PDE10A: variants seen among roughly 807,000 people sequenced by gnomAD.
PDE10A encodes the protein phosphodiesterase 10A, also known as cAMP and cAMP-inhibited cGMP 3',5'-cyclic phosphodiesterase 10A.
In PDE10A, 39 loss-of-function variants were observed where a neutral mutation model predicts 97.7. The ratio of observed to expected loss-of-function variants is 0.40; its 90% confidence interval spans 0.31 to 0.52. The LOEUF is 0.52. Among genes scored for constraint, PDE10A ranks in the 20% least tolerant of loss-of-function variants. The probability of loss-of-function intolerance (pLI) is 0.56; values close to 1 mark genes in which losing one functional copy is unlikely to be tolerated. For synonymous variants in PDE10A, 371 were observed against 376.8 expected, an observed-to-expected ratio of 0.98 and a Z score of 0.18; for missense variants, 731 against 1,047.8, an observed-to-expected ratio of 0.70 and a Z score of 4.17.
At chr6:165,753,498 TA>T (rs1793052914) in intron 1 of PDE10A, among the ~76,000 whole-genome samples, 1 of 152,252 alleles carries the variant, frequency 6.6e-6, no homozygotes, top group African/African-American at 2.4e-5. Flanking sequence ...TTTATGTGAC[TA>T]GCCTTCCCTT....
At chr6:165,511,810 T>C (rs1781526057) in intron 2 of PDE10A, among the ~76,000 whole-genome samples, 1 of 152,090 alleles carries the variant, frequency 6.6e-6, no homozygotes, top group Non-Finnish European at 1.5e-5. Context: ...TTAAAGTCTG[T>C]TTTATCTGAT....
chr6:165,380,326 T>A (rs1379882859), intron 17 of PDE10A, among the ~76,000 whole-genome samples: 1 of 152,174 alleles, frequency 6.6e-6, no homozygotes, highest in African/African-American at 2.4e-5. Context: ...TAAAATACAG[T>A]AAAAACACAA....
chr6:165,549,617 C>G (rs184933683), intron 1 of PDE10A, among the ~76,000 whole-genome samples: 1 of 152,170 alleles, frequency 6.6e-6, no homozygotes, highest in African/African-American at 2.4e-5. Flanking sequence ...AGCCACCATG[C>G]GCGGCTGCAT....
At chr6:165,887,383 C>T (rs1411750268) in intron 1 of PDE10A, among the ~76,000 whole-genome samples, 3 of 152,216 alleles carry the variant, frequency 2.0e-5, no homozygotes, top group African/African-American at 7.2e-5. Context: ...TCTGCATATT[C>T]CCTGTTTTGT....
At chr6:165,952,524 T>TG (rs1783996589) in intron 1 of PDE10A, among the ~76,000 whole-genome samples, 1 of 152,242 alleles carries the variant, frequency 6.6e-6, no homozygotes, top group Admixed American at 6.5e-5. Flanking sequence ...ACTCTATTAG[T>TG]GTTGATTCTT....
chr6:165,770,637 G>C (rs901719466), intron 1 of PDE10A, among the ~76,000 whole-genome samples: 4 of 152,138 alleles, frequency 2.6e-5, no homozygotes, highest in Non-Finnish European at 5.9e-5. Context: ...TTCTGCCTGG[G>C]GAGCGACTCA....
At chr6:165,848,461 G>T (rs907676466) in intron 1 of PDE10A, among the ~76,000 whole-genome samples, 4 of 152,180 alleles carry the variant, frequency 2.6e-5, no homozygotes, top group Admixed American at 2.6e-4. Flanking sequence ...GTACAAAGTG[G>T]CTCTGGACAA....
chr6:165,624,309 T>C (rs1788283057), intron 1 of PDE10A, among the ~76,000 whole-genome samples: 1 of 152,194 alleles, frequency 6.6e-6, no homozygotes, highest in Non-Finnish European at 1.5e-5. Flanking sequence ...AAACACTTCT[T>C]GCTTCATGTC....
At chr6:165,638,398 G>A (rs1365827703) in intron 1 of PDE10A, among the ~76,000 whole-genome samples, 2 of 147,830 alleles carry the variant, frequency 1.4e-5, no homozygotes, top group African/African-American at 2.4e-5. Context: ...CAGAGAGAGA[G>A]GGTGGAAGGA....
At chr6:165,985,031 C>G (rs73260581) in intron 1 of PDE10A, among the ~76,000 whole-genome samples, 25,392 of 152,182 alleles carry the variant, frequency 0.17, 2,263 homozygotes, top group Non-Finnish European at 0.2. Flanking sequence ...GAGACAGGAG[C>G]CCAAGCCAGT....
At chr6:165,920,518 G>C (rs1688809671) in intron 1 of PDE10A, among the ~76,000 whole-genome samples, 1 of 151,262 alleles carries the variant, frequency 6.6e-6, no homozygotes, top group South Asian at 2.1e-4. Context: ...TGACAATCAA[G>C]ATGCTTATCT....
Position 165,362,720 on chromosome 6 carries a change from G to T in PDE10A, c.2783+16474C>A, listed in dbSNP as rs537986897. ...AATACTTCCCAGCTAATTCCATGAG[G>T]CCAGTGTTACCCTGACACCAAAATA... On this transcript the variant is annotated intron_variant, in intron 18 of 21. Coordinates refer to ENST00000539869, the MANE Select transcript of PDE10A (RefSeq NM_001385079.1). Among the ~76,000 whole-genome samples the T allele has an allele frequency of 2.3e-3, 355 of 152,130 alleles. 2 individuals carry two copies. The highest frequency in any genetic ancestry group is 8.2e-3 in the African/African-American group (341 of 41,520).
chr6:165,606,661 C>A (rs1276074237), intron 1 of PDE10A, among the ~76,000 whole-genome samples: 3 of 152,038 alleles, frequency 2.0e-5, no homozygotes, highest in Non-Finnish European at 4.4e-5. Context: ...GGAAACATTT[C>A]TTAAGAGGAG....
chr6:165,619,704 G>GTAGTC (rs1788028621), intron 1 of PDE10A, among the ~76,000 whole-genome samples: 2 of 125,572 alleles, frequency 1.6e-5, no homozygotes, highest in Admixed American at 1.7e-4. Flanking sequence ...GTAGTCCAGT[G>GTAGTC]TAGTGTAGTG....
At chr6:165,352,519 T>C (rs1404266914) in intron 18 of PDE10A, among the ~76,000 whole-genome samples, 5 of 152,104 alleles carry the variant, frequency 3.3e-5, no homozygotes, top group South Asian at 2.1e-4. Flanking sequence ...ATCAGATAAA[T>C]TGATCCATTA....
intron 1 of PDE10A, among the ~76,000 whole-genome samples, chr6:165,615,963 C>T (rs1787708294): frequency 6.6e-6 from 1 of 152,170 alleles, no homozygotes; most frequent in African/African-American, 2.4e-5. Context: ...TATTGATTCA[C>T]GTTCAATATT....
intron 1 of PDE10A, among the ~76,000 whole-genome samples, chr6:165,814,746 T>C (rs949372164): frequency 6.6e-6 from 1 of 152,258 alleles, no homozygotes; most frequent in Middle Eastern, 3.4e-3. Context: ...AAAATTATTA[T>C]AGTCAAATGA....
At chr6:165,365,697 G>C (rs187012631) in intron 18 of PDE10A, among the ~76,000 whole-genome samples, 44 of 152,090 alleles carry the variant, frequency 2.9e-4, no homozygotes, top group African/African-American at 1.0e-3. Flanking sequence ...TTAAGCCTGG[G>C]GGACAGAGAA....
chr6:165,563,755 G>A (rs1784638599), intron 1 of PDE10A, among the ~76,000 whole-genome samples: 1 of 152,060 alleles, frequency 6.6e-6, no homozygotes, highest in Non-Finnish European at 1.5e-5. Context: ...GCCAGACATG[G>A]TGGTGTGTAC....
Sources: gnomAD v4.1 joint callset for allele counts (sites outside exome capture counted in the v4.1 genomes callset) on GRCh38, gnomAD v4.1.1 for gene constraint, MANE v1.5 for transcripts, NCBI Gene and HGNC (gene_info 2026-07-23, HGNC 2026-07-21) for gene names.